SLC39A11: variants seen among roughly 807,000 people sequenced by gnomAD.
SLC39A11 encodes solute carrier family 39 member 11, also known as zinc transporter ZIP11.
In SLC39A11, 33 loss-of-function variants were observed where a neutral mutation model predicts 36.1. That is an observed-to-expected ratio of 0.91 (90% CI 0.69 to 1.22). The LOEUF is 1.22. SLC39A11 is among the 50% of genes most tolerant of loss of function. The pLI, the probability that SLC39A11 is intolerant of heterozygous loss-of-function variation, is 0.00. For synonymous variants in SLC39A11, 166 were observed against 170.3 expected (o/e 0.97, Z 0.20); for missense variants, 432 against 430.3 (o/e 1.00, Z -0.03).
chr17:73,024,864 A>ATTTT (rs1163840820), intron 4 of SLC39A11, among the ~76,000 whole-genome samples: 2,119 of 97,798 alleles, frequency 0.022, 58 homozygotes, highest in Middle Eastern at 0.032. Context: ...TGCCCAGCTA[A>ATTTT]TTTTTTTTTT....
rs181729852 is a variant in SLC39A11, at chr17:72,856,120, G to A, written c.431-6316C>T. Among the ~76,000 whole-genome samples the A allele has an allele frequency of 1.2e-4, 19 of 152,256 alleles. No individual in the cohort carries two copies. In the East Asian group the frequency reaches 3.5e-3, roughly 28 times the overall value. On this transcript the variant is annotated intron_variant, in intron 5 of 9. Coordinates refer to ENST00000255559, the MANE Select transcript of SLC39A11 (RefSeq NM_139177.4). ...GGACAAAGTTCCCAGAAGTTGAACTGTTGATCAAAGGGCCATGATACAATT... is the reference window on the plus strand; with the variant it reads ...GGACAAAGTTCCCAGAAGTTGAACTATTGATCAAAGGGCCATGATACAATT...
At chr17:73,042,629 C>A (rs2059147709) in intron 3 of SLC39A11, among the ~76,000 whole-genome samples, 1 of 152,098 alleles carries the variant, frequency 6.6e-6, no homozygotes. Flanking sequence ...GGTGAAACCC[C>A]ATCTCTACTA....
At chr17:72,958,256 T>C (rs1274556954) in intron 4 of SLC39A11, among the ~76,000 whole-genome samples, 1 of 152,224 alleles carries the variant, frequency 6.6e-6, no homozygotes, top group East Asian at 1.9e-4. Flanking sequence ...ACTATAAAAA[T>C]TCTAGAAGAT....
At chr17:72,846,848 G>A (rs965849949) in intron 6 of SLC39A11, among the ~76,000 whole-genome samples, 1 of 152,194 alleles carries the variant, frequency 6.6e-6, no homozygotes, top group Non-Finnish European at 1.5e-5. Flanking sequence ...ATAAATGGCA[G>A]AAAGACAGCT....
chr17:72,653,151 C>T (rs924614134), intron 7 of SLC39A11, among the ~76,000 whole-genome samples: 3 of 149,308 alleles, frequency 2.0e-5, no homozygotes, highest in African/African-American at 7.4e-5. Flanking sequence ...GTCATCCAGG[C>T]TAGAGTGCAC....
intron 5 of SLC39A11, among the ~76,000 whole-genome samples, chr17:72,869,497 C>G (rs564376409): frequency 1.3e-5 from 2 of 152,210 alleles, no homozygotes; most frequent in Non-Finnish European, 2.9e-5. Flanking sequence ...TCAAGCAATT[C>G]TCCTGTCTCA....
At chr17:72,861,664 T>G (rs1257965579) in intron 5 of SLC39A11, among the ~76,000 whole-genome samples, 1 of 101,086 alleles carries the variant, frequency 9.9e-6, no homozygotes, top group Non-Finnish European at 2.0e-5. Flanking sequence ...ACATTATATA[T>G]ATATATATAT....
chr17:73,067,800 A>G, intron 3 of SLC39A11: 3 of 1,376,232 alleles, frequency 2.2e-6, no homozygotes, highest in Non-Finnish European at 3.1e-6. Flanking sequence ...CACAAGCATC[A>G]CAACTTTTCA....
chr17:73,086,273 C>A (rs946892794), intron 2 of SLC39A11, among the ~76,000 whole-genome samples: 3 of 151,556 alleles, frequency 2.0e-5, no homozygotes, highest in Non-Finnish European at 4.4e-5. Flanking sequence ...TTGGTGCAAA[C>A]CTAATAAAAT....
intron 5 of SLC39A11, among the ~76,000 whole-genome samples, chr17:72,901,319 G>A (rs2082385321): frequency 6.6e-6 from 1 of 152,236 alleles, no homozygotes; most frequent in Non-Finnish European, 1.5e-5. Context: ...GCATCCTGGA[G>A]ATAGTCAGTG....
intron 7 of SLC39A11, among the ~76,000 whole-genome samples, chr17:72,680,687 T>C (rs937541943): frequency 2.6e-5 from 4 of 152,228 alleles, no homozygotes; most frequent in South Asian, 4.1e-4. Flanking sequence ...GATAGACTAA[T>C]ACAATAAATA....
At chr17:72,841,049 C>T (rs1224064580) in intron 6 of SLC39A11, among the ~76,000 whole-genome samples, 1 of 151,990 alleles carries the variant, frequency 6.6e-6, no homozygotes, top group Non-Finnish European at 1.5e-5. Context: ...AGCAAGACTC[C>T]GTCTCAAAAA....
chr17:72,648,425 T>C (rs577534818), intron 9 of SLC39A11, among the ~76,000 whole-genome samples: 40 of 151,852 alleles, frequency 2.6e-4, no homozygotes, highest in African/African-American at 8.5e-4. Flanking sequence ...ACCTGGCCTA[T>C]AGCTAGCCAG....
chr17:72,921,956 T>G (rs1229891125), intron 5 of SLC39A11, among the ~76,000 whole-genome samples: 1 of 152,210 alleles, frequency 6.6e-6, no homozygotes, highest in African/African-American at 2.4e-5. Context: ...TCCCTTTACA[T>G]ATGTTATCTG....
At chr17:72,831,426 T>C (rs551813453) in intron 6 of SLC39A11, among the ~76,000 whole-genome samples, 1 of 152,228 alleles carries the variant, frequency 6.6e-6, no homozygotes, top group Non-Finnish European at 1.5e-5. Flanking sequence ...CTCGTGTCCA[T>C]GACCTTATTT....
At chr17:72,826,177 G>A (rs542536322) in intron 6 of SLC39A11, among the ~76,000 whole-genome samples, 2 of 152,170 alleles carry the variant, frequency 1.3e-5, no homozygotes, top group Non-Finnish European at 2.9e-5. Flanking sequence ...CCCCCTTGCT[G>A]TTATCATGAT....
chr17:72,695,445 C>T (rs1357197124), intron 7 of SLC39A11, among the ~76,000 whole-genome samples: 2 of 152,212 alleles, frequency 1.3e-5, no homozygotes, highest in African/African-American at 4.8e-5. Flanking sequence ...TCCTGGCAAG[C>T]TGTTATTGCT....
intron 7 of SLC39A11, among the ~76,000 whole-genome samples, chr17:72,675,529 G>T (rs562858993): frequency 1.0e-3 from 158 of 152,270 alleles, no homozygotes; most frequent in African/African-American, 3.7e-3. Flanking sequence ...CCCTTCCTTT[G>T]CCTTCGTGGC....
chr17:73,035,775 A>G (rs2058888551), intron 3 of SLC39A11, among the ~76,000 whole-genome samples: 1 of 151,020 alleles, frequency 6.6e-6, no homozygotes, highest in South Asian at 2.1e-4. Context: ...GAGACCAGAG[A>G]ATCACTTGAA....
Sources: gnomAD v4.1 joint callset for allele counts (sites outside exome capture counted in the v4.1 genomes callset) on GRCh38, gnomAD v4.1.1 for gene constraint, MANE v1.5 for transcripts, NCBI Gene and HGNC (gene_info 2026-07-23, HGNC 2026-07-21) for gene names.